EVC: variants seen among roughly 807,000 people sequenced by gnomAD.
EVC encodes the protein evC complex member EVC.
EVC carries 116 observed loss-of-function variants against 118.9 expected under a neutral mutation model. That is an observed-to-expected ratio of 0.98 (90% CI 0.84 to 1.14). The LOEUF (loss-of-function observed/expected upper bound fraction) is 1.14. EVC is among the 50% of genes most tolerant of loss of function. EVC has a pLI of 0.00. For synonymous variants in EVC, 619 were observed against 534.7 expected (o/e 1.16, Z -2.18); for missense variants, 1,401 against 1,246.4 (o/e 1.12, Z -1.87).
intron 11 of EVC, among the ~76,000 whole-genome samples, chr4:5,768,793 G>T (rs992061927): frequency 6.7e-6 from 1 of 150,224 alleles, no homozygotes; most frequent in African/African-American, 2.5e-5. Context: ...GGAGGTGGAG[G>T]TTGCAGTGAG....
the EVC span, chr4:5,828,473 C>T: frequency 6.2e-7 from 1 of 1,611,392 alleles, no homozygotes; most frequent in Non-Finnish European, 8.5e-7. Context: ...GCCCGCTCCC[C>T]TGCAGACACA....
chr4:5,745,437 T>C, intron 7 of EVC, 96 bp downstream of exon 7: 2 of 1,336,022 alleles, frequency 1.5e-6, no homozygotes, highest in Non-Finnish European at 2.1e-6. Context: ...GTGTGCCTAA[T>C]ACTTGAATTC....
At chr4:5,778,057 C>CATTTCCCACCT (rs1283949276) in intron 11 of EVC, among the ~76,000 whole-genome samples, 3 of 146,968 alleles carry the variant, frequency 2.0e-5, no homozygotes, top group Admixed American at 1.4e-4. Context: ...TCTCATTGTT[C>CATTTCCCACCT]ATTTCCCACC....
chr4:5,728,121 C>T (rs1156645594), intron 2 of EVC, among the ~76,000 whole-genome samples: 1 of 152,120 alleles, frequency 6.6e-6, no homozygotes, highest in African/African-American at 2.4e-5. Flanking sequence ...AAGTCATTGG[C>T]TGCTTGTTGG....
rs1733086654 is a variant in EVC at position 5,767,406 on chromosome 4, C to A, written c.1563+11044C>A. Reference sequence around the variant, plus strand: ...GAACCTCCAGAGGCAGGCAGGCCTCCTTGAGCTGTGGTGGGCTCCACCCAG... The same window carrying A: ...GAACCTCCAGAGGCAGGCAGGCCTCATTGAGCTGTGGTGGGCTCCACCCAG... On this transcript the variant is annotated intron_variant, in intron 11 of 20. Transcript: ENST00000264956. Among the ~76,000 whole-genome samples, 5 of 147,942 alleles carry A rather than the reference C, an allele frequency of 3.4e-5. No individual in the cohort carries two copies. The South Asian group carries it at 1.1e-3, about 33-fold the overall frequency.
downstream of EVC, among the ~76,000 whole-genome samples, chr4:5,815,978 A>G (rs945801493): frequency 5.9e-5 from 9 of 151,762 alleles, no homozygotes; most frequent in Non-Finnish European, 8.8e-5. Context: ...ATGGATTGGA[A>G]AGGAAGGAGG....
In EVC at chr4:5,756,062, T is replaced by C. The variant is rs758447062; in HGVS notation, c.1465-202T>C. On this transcript the variant is annotated intron_variant, in intron 10 of 20. Transcript: ENST00000264956. This position sits in a 1 kb window ranked among gnomAD's most constrained non-coding sequence, Gnocchi z 4.2. ...CAAAAGCGTGGTGGTTTGTGGTGTT[T>C]CCTGGAAATCGGATTTGCTGACCCT... Among the ~76,000 whole-genome samples, 1 of 152,156 alleles carries C rather than the reference T, an allele frequency of 6.6e-6. No homozygotes were observed. Among genetic ancestry groups the C allele is most frequent in the African/African-American group, 2.4e-5 (1 of 41,428 alleles).
In EVC at chr4:5,738,169, T is replaced by C. The variant is rs1323775588; in HGVS notation, c.703-3547T>C. On this transcript the variant is annotated intron_variant, in intron 5 of 20. Transcript: ENST00000264956. This position sits in a 1 kb window ranked among gnomAD's most constrained non-coding sequence, Gnocchi z 6.5. ...AATAGCAAGAAAACTAGGATTAGAA[T>C]TGGAGCCTGAAGATGGGACTGAGCT... is the stretch of plus-strand genomic sequence containing the variant. Among the ~76,000 whole-genome samples, 1 of 152,178 alleles carries C rather than the reference T, an allele frequency of 6.6e-6. No individual in the cohort carries two copies. The highest frequency in any genetic ancestry group is 1.5e-5 in the Non-Finnish European group (1 of 68,026).
intron 2 of EVC, among the ~76,000 whole-genome samples, chr4:5,727,642 T>C (rs1726082662): frequency 6.6e-6 from 1 of 151,528 alleles, no homozygotes; most frequent in Non-Finnish European, 1.5e-5. Flanking sequence ...CATGAAGTCC[T>C]TGCACATGCC....
intron 11 of EVC, among the ~76,000 whole-genome samples, chr4:5,763,632 G>A (rs1265435538): frequency 8.7e-6 from 1 of 115,292 alleles, no homozygotes; most frequent in Non-Finnish European, 1.8e-5. Context: ...TTGTAAGTAG[G>A]ATTCCTAGAT....
rs569254733 is a variant in EVC at position 5,798,980 on chromosome 4, C to G, written c.2304+188C>G. On this transcript the variant is annotated intron_variant, in intron 15 of 20. Coordinates refer to ENST00000264956, the MANE Select transcript of EVC (RefSeq NM_153717.3). The surrounding 1 kb of genome is among the most constrained non-coding windows in gnomAD (Gnocchi z 4.1). ...TTCTCCCTCGCAGAATGGGGAGGGG[C>G]AGTCGCAGCAGATCACCGGTTCTCC... Among the ~76,000 whole-genome samples the G allele has an allele frequency of 3.9e-5, 6 of 152,250 alleles. No individual in the cohort carries two copies. Among genetic ancestry groups the G allele is most frequent in the African/African-American group, 1.4e-4 (6 of 41,556 alleles).
chr4:5,730,614 C>T (rs769983823), intron 3 of EVC, among the ~76,000 whole-genome samples: 8 of 152,112 alleles, frequency 5.3e-5, no homozygotes, highest in South Asian at 2.1e-4. Flanking sequence ...TGAAATACAC[C>T]GAGAATGCAG....
Position 5,789,300 on chromosome 4 carries a change from G to T in EVC, c.1777-4308G>T, listed in dbSNP as rs1032525827. ...CCCTGGCTGCCCTCTGACCGCAACT[G>T]CATGCTGCCCCCAGCCCCAGTGGTT... On this transcript the variant is annotated intron_variant, in intron 12 of 20. Transcript: ENST00000264956. The surrounding 1 kb of genome is among the most constrained non-coding windows in gnomAD (Gnocchi z 4.3). Among the ~76,000 whole-genome samples, 2 of 152,124 alleles carry T rather than the reference G, an allele frequency of 1.3e-5. No individual in the cohort carries two copies. Among genetic ancestry groups the T allele is most frequent in the Non-Finnish European group, 2.9e-5 (2 of 68,032 alleles).
At chr4:5,733,319 A>G (rs1424987513) in intron 4 of EVC, 32 bp from the exon 5 acceptor site, 15 of 1,580,620 alleles carry the variant, frequency 9.5e-6, no homozygotes, top group Non-Finnish European at 1.2e-5. Flanking sequence ...GATACCCTGA[A>G]AGTCTTTTCC....
chr4:5,741,634 G>T, intron 5 of EVC, 82 bp from the exon 6 acceptor site: 1 of 764,564 alleles, frequency 1.3e-6, no homozygotes, highest in East Asian at 2.6e-5. Flanking sequence ...GGGGAGGGAG[G>T]GAGAAGAGAA....
chr4:5,828,769 C>G, the EVC span: 8,995 of 1,362,482 alleles, frequency 6.6e-3, 384 homozygotes, highest in Admixed American at 0.092. Context: ...AAGCGTGTTC[C>G]AATGTTTTTT....
Position 5,783,600 on chromosome 4 carries a change from C to G in EVC, c.1612C>G (p.Leu538Val), listed in dbSNP as rs147772724. ...CACTTTCCAGAAGTTCGTGGATGCC[C>G]TGTTCCTTCAGACGCTCCCTGGCAT... ...VDTFQKFVDALFLQTLPGMTG... is the reference protein window; with the variant it reads ...VDTFQKFVDAVFLQTLPGMTG... The change falls in exon 12 of 21, where the codon CTG becomes GTG. Residue 538 changes from leucine (L) to valine (V), a missense_variant. Coordinates refer to ENST00000264956, the MANE Select transcript of EVC (RefSeq NM_153717.3). 1.8e-4 allele frequency: 286 copies of G among 1,614,154 alleles called. No individual in the cohort carries two copies. The African/African-American group carries it at 2.6e-3, about 14-fold the overall frequency.
intron 18 of EVC, among the ~76,000 whole-genome samples, chr4:5,809,294 G>T (rs1295334206): frequency 6.6e-6 from 1 of 152,172 alleles, no homozygotes; most frequent in African/African-American, 2.4e-5. Flanking sequence ...AAGACCGACG[G>T]CCAGTGTGAG....
chr4:5,828,993 GTTCTT>G, the EVC span, among the ~76,000 whole-genome samples: 4 of 152,084 alleles, frequency 2.6e-5, no homozygotes, highest in Admixed American at 2.6e-4. Flanking sequence ...TAAGTAAAAT[GTTCTT>G]CATTTTACTT....
Sources: allele counts gnomAD v4.1 joint callset (sites outside exome capture counted in the v4.1 genomes callset), GRCh38; gene constraint gnomAD v4.1.1; non-coding constraint Gnocchi (gnomAD v3.1); transcripts MANE v1.5; gene names NCBI Gene and HGNC (gene_info 2026-07-23, HGNC 2026-07-21).